Variants in EEIG1 observed in about 807,000 individuals in gnomAD.
EEIG1 encodes estrogen-induced osteoclastogenesis regulator 1.
chr9:127,953,461 G>C, the EEIG1 span: 1 of 855,672 alleles, frequency 1.2e-6, no homozygotes, highest in Admixed American at 2.1e-5. Context: ...ACACATCTCA[G>C]GTAGGGCTGA....
At chr9:127,950,668 C>T in the EEIG1 span, 1 of 1,458,592 alleles carries the variant, frequency 6.9e-7, no homozygotes, top group Non-Finnish European at 9.0e-7. Flanking sequence ...GCCCCACAGC[C>T]TCGACTGACT....
At chr9:127,959,083 A>C in the EEIG1 span, among the ~76,000 whole-genome samples, 4 of 152,380 alleles carry the variant, frequency 2.6e-5, no homozygotes, top group African/African-American at 9.6e-5. Context: ...CCCCTTTGGA[A>C]AACAGTATGG....
chr9:127,944,341 G>A, the EEIG1 span: 9 of 573,576 alleles, frequency 1.6e-5, no homozygotes, highest in South Asian at 6.3e-5. Flanking sequence ...GCCATGTGCT[G>A]AGCCCTGCAC....
At chr9:127,944,532 G>A in the EEIG1 span, 1 of 1,008,066 alleles carries the variant, frequency 9.9e-7, no homozygotes, top group Non-Finnish European at 1.5e-6. Context: ...TGGCGTTCAA[G>A]GCCAGGTGAG....
chr9:127,948,673 C>T, the EEIG1 span, among the ~76,000 whole-genome samples: 15 of 152,342 alleles, frequency 9.8e-5, no homozygotes, highest in South Asian at 3.1e-3. Flanking sequence ...CTGGGCTCAG[C>T]CCTGCGCCTG....
chr9:127,948,124 TTGG>T, the EEIG1 span: 1 of 1,613,354 alleles, frequency 6.2e-7, no homozygotes, highest in Non-Finnish European at 8.5e-7. Flanking sequence ...AGTCAGGGAG[TTGG>T]TGCTGCTGCC....
the EEIG1 span, chr9:127,950,605 G>C: frequency 6.3e-7 from 1 of 1,583,750 alleles, no homozygotes; most frequent in Non-Finnish European, 8.6e-7. Flanking sequence ...CGGAAGCCCA[G>C]AAGGGTAACT....
chr9:127,963,792 G>A, the EEIG1 span: 1 of 152,294 alleles, frequency 6.6e-6, no homozygotes, highest in East Asian at 1.9e-4. Context: ...GGCTCGGGGT[G>A]CGGGACACAA....
chr9:127,942,472 G>A, the EEIG1 span: 4 of 152,608 alleles, frequency 2.6e-5, no homozygotes, highest in Non-Finnish European at 4.4e-5. Context: ...GGGGAGGTGA[G>A]GGGCCAGTGG....
the EEIG1 span, chr9:127,953,732 C>T: frequency 6.2e-7 from 1 of 1,610,436 alleles, no homozygotes; most frequent in Non-Finnish European, 8.5e-7. Flanking sequence ...CCATTTTCAG[C>T]TGGGGGTGCG....
At chr9:127,949,189 C>CG in the EEIG1 span, among the ~76,000 whole-genome samples, 4 of 151,796 alleles carry the variant, frequency 2.6e-5, no homozygotes, top group East Asian at 5.8e-4. Flanking sequence ...TGGCGGGCAC[C>CG]TGTAGTCCCA....
the EEIG1 span, among the ~76,000 whole-genome samples, chr9:127,976,935 T>C: frequency 7.1e-6 from 1 of 141,358 alleles, no homozygotes; most frequent in Non-Finnish European, 1.5e-5. This position sits in a 1 kb window ranked among gnomAD's most constrained non-coding sequence, Gnocchi z 4.1. Context: ...CTGGAAACAA[T>C]GGGGCCTTTG....
chr9:127,974,831 G>C, the EEIG1 span, among the ~76,000 whole-genome samples: 1 of 152,184 alleles, frequency 6.6e-6, no homozygotes, highest in African/African-American at 2.4e-5. Context: ...CAGGGAAAGT[G>C]GAACAGGCAC....
At chr9:127,965,353 G>A in the EEIG1 span, among the ~76,000 whole-genome samples, 2 of 152,108 alleles carry the variant, frequency 1.3e-5, no homozygotes, top group African/African-American at 4.8e-5. Context: ...AACCCTGGTT[G>A]AGAGCCACTG....
the EEIG1 span, chr9:127,980,182 G>A: frequency 1.3e-6 from 2 of 1,585,534 alleles, no homozygotes; most frequent in Non-Finnish European, 1.7e-6. Flanking sequence ...AAAAAAGGTG[G>A]AGAGGGACGG....
At chr9:127,946,051 A>T in the EEIG1 span, among the ~76,000 whole-genome samples, 1 of 152,222 alleles carries the variant, frequency 6.6e-6, no homozygotes. Flanking sequence ...GGTGCACAGC[A>T]GGGAGCAGTG....
chr9:127,979,449 G>A, the EEIG1 span, among the ~76,000 whole-genome samples: 3 of 152,244 alleles, frequency 2.0e-5, no homozygotes, highest in Non-Finnish European at 4.4e-5. Context: ...CCTCGACAAG[G>A]GTATTTGCAA....
chr9:127,953,389 C>A, the EEIG1 span: 1 of 610,650 alleles, frequency 1.6e-6, no homozygotes, highest in Non-Finnish European at 2.9e-6. Context: ...TATATTGCAA[C>A]AACCATATGC....
the EEIG1 span, among the ~76,000 whole-genome samples, chr9:127,964,849 C>T: frequency 6.6e-6 from 1 of 152,092 alleles, no homozygotes; most frequent in African/African-American, 2.4e-5. Context: ...CACCTGTAAT[C>T]CCAGCACTTT....
Sources: allele counts gnomAD v4.1 joint callset (sites outside exome capture counted in the v4.1 genomes callset), GRCh38; gene constraint gnomAD v4.1.1; non-coding constraint Gnocchi (gnomAD v3.1); transcripts MANE v1.5; gene names NCBI Gene and HGNC (gene_info 2026-07-23, HGNC 2026-07-21).